Variants in CNTN4 observed in about 807,000 individuals in gnomAD.
CNTN4 encodes contactin-4.
In CNTN4, 77 loss-of-function variants were observed where a neutral mutation model predicts 122.5. The observed-to-expected ratio is 0.63, with a 90% confidence interval of 0.52 to 0.76. CNTN4 has a LOEUF of 0.76. CNTN4 is among the 30% of genes least tolerant of loss of function. CNTN4 has a pLI of 0.00. For missense variants in CNTN4, 1,256 were observed against 1,259.1 expected, an observed-to-expected ratio of 1.00 and a Z score of 0.04; for synonymous variants, 512 against 447.0, an observed-to-expected ratio of 1.15 and a Z score of -1.83.
intron 4 of CNTN4, 152 bp downstream of exon 4, chr3:2,571,710 C>T: frequency 4.3e-6 from 3 of 690,992 alleles, no homozygotes; most frequent in East Asian, 2.7e-5. Context: ...AATATACCTT[C>T]CTGATGGTCT....
chr3:2,650,074 T>C (rs1485405026), intron 4 of CNTN4, among the ~76,000 whole-genome samples: 1 of 140,476 alleles, frequency 7.1e-6, no homozygotes, highest in African/African-American at 2.6e-5. Flanking sequence ...TGTATTTTTA[T>C]AAATATATAT....
intron 2 of CNTN4, among the ~76,000 whole-genome samples, chr3:2,302,851 C>A (rs1394608158): frequency 7.0e-6 from 1 of 142,254 alleles, no homozygotes; most frequent in Non-Finnish European, 1.5e-5. Flanking sequence ...CAATGCCAAG[C>A]ACACTGTATG....
At chr3:2,653,152 C>T (rs542299359) in intron 4 of CNTN4, among the ~76,000 whole-genome samples, 23 of 152,086 alleles carry the variant, frequency 1.5e-4, no homozygotes, top group African/African-American at 5.1e-4. Context: ...CGCGTTAATA[C>T]ATGTGAAAGC....
At chr3:2,430,528 C>T (rs932980120) in intron 3 of CNTN4, among the ~76,000 whole-genome samples, 2 of 150,602 alleles carry the variant, frequency 1.3e-5, no homozygotes, top group African/African-American at 4.9e-5. Context: ...CTTAGAACCT[C>T]CCCTAGTTTA....
At chr3:2,581,427 A>G (rs993181072) in intron 4 of CNTN4, among the ~76,000 whole-genome samples, 1 of 152,188 alleles carries the variant, frequency 6.6e-6, no homozygotes, top group Admixed American at 6.5e-5. Context: ...CAGTATCCCA[A>G]TTTTACATAT....
intron 2 of CNTN4, among the ~76,000 whole-genome samples, chr3:2,312,441 A>G (rs2042947739): frequency 6.6e-6 from 1 of 152,126 alleles, no homozygotes; most frequent in Non-Finnish European, 1.5e-5. Context: ...ATATTGGACT[A>G]TCACTAAGCA....
chr3:2,342,474 C>T (rs1236179706), intron 3 of CNTN4, among the ~76,000 whole-genome samples: 3 of 152,008 alleles, frequency 2.0e-5, no homozygotes, highest in Non-Finnish European at 4.4e-5. Context: ...TATATGATTC[C>T]ATGTTGATAT....
chr3:2,312,642 G>T (rs1238423068), intron 2 of CNTN4, among the ~76,000 whole-genome samples: 2 of 152,008 alleles, frequency 1.3e-5, no homozygotes, highest in African/African-American at 2.4e-5. Flanking sequence ...AAAAAAAATG[G>T]TGCGTTTTGG....
rs561531170 is a variant in CNTN4 at position 3,049,395 on chromosome 3, T to C, written c.2812-4412T>C. 1.2e-3 allele frequency among the ~76,000 whole-genome samples: 181 copies of C among 152,366 alleles called. 1 individual carries two copies. Among genetic ancestry groups the C allele is most frequent in the African/African-American group, 4.1e-3 (172 of 41,586 alleles). ...ACCATGCCTGGCCTCATCTTAACTGTATAATAACCATGAAGATAGGTACAG... is the reference window on the plus strand; with the variant it reads ...ACCATGCCTGGCCTCATCTTAACTGCATAATAACCATGAAGATAGGTACAG... On this transcript the variant is annotated intron_variant, in intron 23 of 24. Transcript: ENST00000418658.
intron 6 of CNTN4, among the ~76,000 whole-genome samples, chr3:2,805,238 C>G (rs2092438969): frequency 6.6e-6 from 1 of 152,096 alleles, no homozygotes; most frequent in Admixed American, 6.5e-5. Flanking sequence ...GCTTCATCTA[C>G]AATCTTTTAA....
intron 4 of CNTN4, among the ~76,000 whole-genome samples, chr3:2,586,167 T>C (rs555603967): frequency 6.6e-5 from 10 of 152,180 alleles, no homozygotes; most frequent in Non-Finnish European, 1.3e-4. Context: ...AAGCATGGCC[T>C]CCCCAGAACC....
intron 4 of CNTN4, among the ~76,000 whole-genome samples, chr3:2,621,315 T>C (rs1043936056): frequency 2.0e-5 from 3 of 152,218 alleles, no homozygotes. Flanking sequence ...TTTATTCTAA[T>C]CGTCAGATGT....
intron 4 of CNTN4, among the ~76,000 whole-genome samples, chr3:2,672,562 C>T (rs4131007): frequency 0.15 from 22,593 of 152,156 alleles, 2,095 homozygotes; most frequent in African/African-American, 0.26. Flanking sequence ...TTGCACTTCC[C>T]GGGTGAGGCA....
rs1220761684 is a variant in CNTN4 at position 2,600,005 on chromosome 3, C to CTTTTTTTTTTTTTTT, written c.55+28449_55+28450insTTTTTTTTTTTTTTT. 2.8e-4 allele frequency among the ~76,000 whole-genome samples: 8 copies of CTTTTTTTTTTTTTTT among 28,300 alleles called. 1 individual carries two copies. The highest frequency in any genetic ancestry group is 5.7e-4 in the Non-Finnish European group (6 of 10,610). The allele number at this position is 28,300 out of a possible 152,430, so 18.6% of individuals were successfully genotyped here. A position where few individuals can be genotyped will look rare whatever the true frequency, so the allele number is the denominator to read the frequency against. The stretch of plus-strand genomic sequence containing the variant: ...CAACTCTATTTTGGTTTATGGAATT[C>CTTTTTTTTTTTTTTT]TTCTTTTTTTTTTTTTTTTTTTTTT... On this transcript the variant is annotated intron_variant, in intron 4 of 24. Transcript: ENST00000418658.
intron 3 of CNTN4, among the ~76,000 whole-genome samples, chr3:2,402,447 G>A (rs1033753886): frequency 2.6e-5 from 4 of 152,000 alleles, no homozygotes; most frequent in African/African-American, 9.7e-5. Flanking sequence ...ACATATTAAA[G>A]GGGTACATGG....
intron 12 of CNTN4, among the ~76,000 whole-genome samples, chr3:2,923,505 G>A (rs770424903): frequency 6.6e-6 from 1 of 152,162 alleles, no homozygotes; most frequent in Admixed American, 6.6e-5. Flanking sequence ...TACGAACACA[G>A]ATTAACACAG....
rs1422701831 is a variant in CNTN4, at chr3:2,204,746, C to T, written c.-145+104107C>T. 2.6e-5 allele frequency among the ~76,000 whole-genome samples: 4 copies of T among 151,998 alleles called. No homozygotes were observed. The South Asian group carries it at 6.2e-4, about 24-fold the overall frequency. ...CTCACTATTCTCAAAGGATGCAAGG[C>T]CCCCCCATGGGATAAAGTCAGCTTT... On this transcript the variant is annotated intron_variant, in intron 2 of 24. Transcript: ENST00000418658.
intron 3 of CNTN4, among the ~76,000 whole-genome samples, chr3:2,470,607 C>T (rs2075652788): frequency 6.6e-6 from 1 of 152,132 alleles, no homozygotes. Flanking sequence ...TTGTCTGCCA[C>T]CATGAGAGGC....
At chr3:2,255,915 C>T (rs557871535) in intron 2 of CNTN4, among the ~76,000 whole-genome samples, 44 of 152,054 alleles carry the variant, frequency 2.9e-4, no homozygotes, top group African/African-American at 9.9e-4. Context: ...CAAAAGCTAG[C>T]AGAATACAAG....
Sources: gnomAD v4.1 joint callset for allele counts (sites outside exome capture counted in the v4.1 genomes callset) on GRCh38, gnomAD v4.1.1 for gene constraint, MANE v1.5 for transcripts, NCBI Gene and HGNC (gene_info 2026-07-23, HGNC 2026-07-21) for gene names.